Variants in RBBP6 observed in about 807,000 individuals in gnomAD.
RBBP6 encodes RB binding protein 6, ubiquitin ligase.
Under a neutral mutation model 167.7 loss-of-function variants are expected in RBBP6, and 25 were observed. That is an observed-to-expected ratio of 0.15 (90% CI 0.11 to 0.21). The LOEUF (loss-of-function observed/expected upper bound fraction) is 0.21. Among genes scored for constraint, RBBP6 ranks in the 10% least tolerant of loss-of-function variants. The pLI, the probability that RBBP6 is intolerant of heterozygous loss-of-function variation, is 1.00. For missense variants in RBBP6, 1,868 were observed against 2,134.2 expected (o/e 0.88, Z 2.46); for synonymous variants, 789 against 735.8 (o/e 1.07, Z -1.17).
Position 24,570,182 on chromosome 16 carries a change from A to C in RBBP6, c.3492A>C (p.Ser1164=). 1 of 1,601,020 alleles carries C rather than the reference A, an allele frequency of 6.2e-7. No homozygotes were observed. Among genetic ancestry groups the C allele is most frequent in the Non-Finnish European group, 8.5e-7 (1 of 1,177,116 alleles). The part of the protein sequence containing the change: ...KGVDKDFESS[S]MKISKLEVTE... ...TAGATAAAGATTTTGAGTCTTCTTC[A>C]ATGAAAATCTCGAAACTAGAAGTGA... is the stretch of plus-strand genomic sequence containing the variant. Residue 1164 remains serine (S), a synonymous_variant, in exon 17 of 18, where the codon TCA becomes TCC. Transcript: ENST00000319715.
Position 24,540,389 on chromosome 16 carries a change from C to T in RBBP6, c.-238C>T, listed in dbSNP as rs1898454228. The T allele has an allele frequency of 2.5e-6, 1 of 406,660 alleles. No homozygotes were observed. Among genetic ancestry groups the T allele is most frequent in the Non-Finnish European group, 4.4e-6 (1 of 225,592 alleles). The allele number at this position is 406,660 out of a possible 1,614,324, so 25.2% of individuals were successfully genotyped here. On this transcript the variant is annotated 5_prime_UTR_variant, in exon 1 of 18. Transcript: ENST00000319715. ...CGTTGGCGGATTCTCGATTTCCCCTCTTCCCCGTCCTCGTCCTCCTCCTCC... is the reference window on the plus strand; with the variant it reads ...CGTTGGCGGATTCTCGATTTCCCCTTTTCCCCGTCCTCGTCCTCCTCCTCC...
At chr16:24,544,206 G>A (rs1292087615) in intron 1 of RBBP6, among the ~76,000 whole-genome samples, 1 of 152,112 alleles carries the variant, frequency 6.6e-6, no homozygotes. Flanking sequence ...TCAGGTGTTT[G>A]ACACAAAGTT....
chr16:24,542,741 G>T (rs1898536157), intron 1 of RBBP6, among the ~76,000 whole-genome samples: 1 of 152,160 alleles, frequency 6.6e-6, no homozygotes, highest in Non-Finnish European at 1.5e-5. Context: ...GGGATTACAG[G>T]CATGTGAATG....
At chr16:24,549,080 T>G in intron 3 of RBBP6, 99 bp downstream of exon 3, 1 of 1,544,858 alleles carries the variant, frequency 6.5e-7, no homozygotes, top group Non-Finnish European at 8.8e-7. Flanking sequence ...ATCCAACTGA[T>G]CATAGTACAT....
intron 3 of RBBP6, 134 bp from the exon 4 acceptor site, chr16:24,553,379 T>G (rs1391686986): frequency 1.5e-6 from 1 of 651,220 alleles, no homozygotes; most frequent in African/African-American, 1.8e-5. Flanking sequence ...AGCTACATTT[T>G]CAAGCTTAAC....
At position 24,564,847 on chromosome 16, in the gene RBBP6, G is replaced by C. The variant is rs755772438; in HGVS notation, c.1571G>C (p.Gly524Ala). The C allele has an allele frequency of 3.1e-6, 5 of 1,612,944 alleles. No homozygotes were observed. The South Asian group carries it at 4.4e-5, about 14-fold the overall frequency. ...LVSPPQQIRR[G>A]ERSCYRSINR... ...TCTCCACCACAACAAATTAGAAGAG[G>C]GGAGAGGAGCTGCTACAGGTAGGCA... Residue 524 changes from glycine to alanine, a missense_variant, in exon 14 of 18, where the codon GGG becomes GCG. Around this residue, in one of 7 missense-constraint regions of RBBP6, gnomAD observed 245 missense variants for 240.1 expected, o/e 1.02. Transcript: ENST00000319715.
chr16:24,554,626 GT>G, intron 4 of RBBP6: 1 of 152,112 alleles, frequency 6.6e-6, no homozygotes, highest in Non-Finnish European at 1.5e-5. Flanking sequence ...ATGCAAAGTG[GT>G]TTAGTATAGA....
At chr16:24,570,599 T>C (rs1386753601) in intron 17 of RBBP6, 100 bp downstream of exon 17, 8 of 1,102,276 alleles carry the variant, frequency 7.3e-6, no homozygotes, top group Non-Finnish European at 1.0e-5. Flanking sequence ...TGAATGCTGA[T>C]CTAGGGAAGT....
At chr16:24,549,176 G>T in intron 3 of RBBP6, 195 bp downstream of exon 3, 1 of 1,431,554 alleles carries the variant, frequency 7.0e-7, no homozygotes, top group South Asian at 1.6e-5. Context: ...TGTAGAAATG[G>T]GTAATTTGTG....
chr16:24,548,418 TG>T, intron 2 of RBBP6, among the ~76,000 whole-genome samples: 1 of 152,100 alleles, frequency 6.6e-6, no homozygotes, highest in South Asian at 2.1e-4. Flanking sequence ...CTTGGCCTCT[TG>T]TTCAATCCTT....
rs1899369117 is a variant in RBBP6, at chr16:24,572,621, A to G, written c.*176A>G. ...AGAGCTTTATAACACGAACTTTTGT[A>G]CAGAATTGTGAGTTGTGACCATGTA... On this transcript the variant is annotated 3_prime_UTR_variant, in exon 18 of 18. Transcript: ENST00000319715. 1 of 939,610 alleles carries G rather than the reference A, an allele frequency of 1.1e-6. No homozygotes were observed. Among genetic ancestry groups the G allele is most frequent in the South Asian group, 2.0e-5 (1 of 49,168 alleles). The allele number at this position is 939,610 out of a possible 1,614,324, so 58.2% of individuals were successfully genotyped here.
intron 2 of RBBP6, among the ~76,000 whole-genome samples, chr16:24,547,104 A>G (rs1349022719): frequency 1.3e-5 from 2 of 152,218 alleles, no homozygotes; most frequent in East Asian, 1.9e-4. Context: ...AGAATTAGGT[A>G]GTATTGTTTG....
rs564528376 is a variant in RBBP6 at position 24,540,850 on chromosome 16, G to A, written c.166+58G>A. ...GCTGGAGAGAGATACTAGCTAGAAG[G>A]TGCCTGGCAGGAAGCTAACCGCCAT... On this transcript the variant is annotated intron_variant, in intron 1 of 17. Coordinates refer to ENST00000319715, the MANE Select transcript of RBBP6 (RefSeq NM_006910.5). 5 of 1,556,560 alleles carry A rather than the reference G, an allele frequency of 3.2e-6. No homozygotes were observed. The African/African-American group carries it at 5.5e-5, about 17-fold the overall frequency.
rs1567280985 is a variant in RBBP6, at chr16:24,570,029, C to CTAT, written c.3341_3343dup (p.Tyr1114dup). 1 of 1,606,108 alleles carries CTAT rather than the reference C, an allele frequency of 6.2e-7. No homozygotes were observed. The highest frequency in any genetic ancestry group is 8.5e-7 in the Non-Finnish European group (1 of 1,178,302). Reference sequence around the variant, plus strand: ...TCAAAGAGGAAAAAGTGAAGAAGGACTATTCCAAAGATGTCAAATCAGAAA... The same window carrying CTAT: ...TCAAAGAGGAAAAAGTGAAGAAGGACTATTATTCCAAAGATGTCAAATCAGAAA... On this transcript the variant is annotated inframe_insertion, in exon 17 of 18. Transcript: ENST00000319715.
intron 3 of RBBP6, among the ~76,000 whole-genome samples, chr16:24,551,426 A>G (rs892286028): frequency 6.6e-6 from 1 of 151,792 alleles, no homozygotes; most frequent in South Asian, 2.1e-4. Flanking sequence ...ACACCTTGCT[A>G]TATGTAGGAA....
At chr16:24,563,539 T>A (rs1244180176) in intron 12 of RBBP6, 38 bp downstream of exon 12, 2 of 1,611,776 alleles carry the variant, frequency 1.2e-6, no homozygotes, top group East Asian at 2.2e-5. Context: ...TTTTTCCCTT[T>A]AAAAAATAAT....
intron 1 of RBBP6, among the ~76,000 whole-genome samples, chr16:24,544,334 C>T (rs558675742): frequency 6.6e-6 from 1 of 152,254 alleles, no homozygotes; most frequent in Admixed American, 6.5e-5. Context: ...AGATTATAGT[C>T]CTACATTGGC....
rs1898912709 is a variant in RBBP6, at chr16:24,556,418, T to C, written c.645T>C (p.Thr215=). 1.2e-6 allele frequency: 2 copies of C among 1,612,042 alleles called. No homozygotes were observed. Among genetic ancestry groups the C allele is most frequent in the Non-Finnish European group, 1.7e-6 (2 of 1,178,468 alleles). Reference sequence around the variant, plus strand: ...TGAAAGGTGCAATGCTTACCAACACTGGAAAATATGCAATACCAACTATAG... The same window carrying C: ...TGAAAGGTGCAATGCTTACCAACACCGGAAAATATGCAATACCAACTATAG... The part of the protein sequence containing the change: ...PNMKGAMLTN[T]GKYAIPTIDA... Residue 215 remains threonine, a synonymous_variant, in exon 7 of 18, where the codon ACT becomes ACC. Transcript: ENST00000319715.
Position 24,556,208 on chromosome 16 carries a change from T to C in RBBP6, c.535-100T>C, listed in dbSNP as rs1009030280. ...AAATGAGATCACATATGTAAAGCACTACAAGTAATATAGTAAGCACTGTAT... is the reference window on the plus strand; with the variant it reads ...AAATGAGATCACATATGTAAAGCACCACAAGTAATATAGTAAGCACTGTAT... On this transcript the variant is annotated intron_variant, in intron 6 of 17. Transcript: ENST00000319715. 5.0e-5 allele frequency: 49 copies of C among 971,392 alleles called. No homozygotes were observed. The Admixed American group carries it at 7.5e-4, about 15-fold the overall frequency. The allele number at this position is 971,392 out of a possible 1,614,324, so 60.2% of individuals were successfully genotyped here.
Sources: allele counts gnomAD v4.1 joint callset (sites outside exome capture counted in the v4.1 genomes callset), GRCh38; gene constraint gnomAD v4.1.1; regional missense constraint gnomAD v4.1.1; transcripts MANE v1.5; gene names NCBI Gene and HGNC (gene_info 2026-07-23, HGNC 2026-07-21).